Variants in PCNX1 observed in about 807,000 individuals in gnomAD.
PCNX1 encodes pecanex-like protein 1.
Under a neutral mutation model 242.2 loss-of-function variants are expected in PCNX1, and 78 were observed. The observed-to-expected ratio is 0.32, with a 90% CI of 0.27 to 0.39. PCNX1 has a LOEUF of 0.39. PCNX1 is among the 10% of genes least tolerant of loss of function. PCNX1 has a pLI of 1.00. For synonymous variants in PCNX1, 1,024 were observed against 1,032.9 expected, an observed-to-expected ratio of 0.99 and a Z score of 0.17; for missense variants, 2,581 against 2,856.5, an observed-to-expected ratio of 0.90 and a Z score of 2.20.
intron 30 of PCNX1, among the ~76,000 whole-genome samples, chr14:71,099,037 A>G (rs770376252): frequency 1.1e-4 from 16 of 152,188 alleles, no homozygotes; most frequent in South Asian, 4.1e-4. Flanking sequence ...TTCTTTACGC[A>G]AAAGTCATTC....
intron 26 of PCNX1, among the ~76,000 whole-genome samples, chr14:71,064,032 G>A (rs1287335961): frequency 6.6e-6 from 1 of 151,964 alleles, no homozygotes; most frequent in Non-Finnish European, 1.5e-5. Context: ...AGTATGTTCG[G>A]CTGACTGGAT....
intron 30 of PCNX1, among the ~76,000 whole-genome samples, chr14:71,095,165 T>G (rs192679571): frequency 3.9e-5 from 6 of 152,350 alleles, no homozygotes; most frequent in African/African-American, 1.4e-4. Context: ...CCTTATTTAT[T>G]TTCCTTTATT....
At chr14:71,045,375 CAG>C in intron 20 of PCNX1, 92 bp downstream of exon 20, 1 of 882,546 alleles carries the variant, frequency 1.1e-6, no homozygotes, top group South Asian at 1.7e-5. Flanking sequence ...AATATCATAA[CAG>C]AACATTTGGC....
At position 71,018,949 on chromosome 14, in the gene PCNX1, TCCA is replaced by T; in HGVS notation, c.2997-59_2997-57del. 2.1e-6 allele frequency: 3 copies of T among 1,396,416 alleles called. No individual in the cohort carries two copies. In the Admixed American group the frequency reaches 6.2e-5, roughly 29 times the overall value. The allele number at this position is 1,396,416 out of a possible 1,614,324, so 86.5% of individuals were successfully genotyped here. ...TATTTATGTCTTCCCTTCCCTTTTTTCCATTTGGTTAATTTCTTATACTTAAGA... is the reference window on the plus strand; with the variant it reads ...TATTTATGTCTTCCCTTCCCTTTTTTTTTGGTTAATTTCTTATACTTAAGA... On this transcript the variant is annotated intron_variant, in intron 11 of 35. Transcript: ENST00000304743.
rs1436961001 is a variant in PCNX1 at position 70,910,041 on chromosome 14, C to CCTT, written c.153+2040_153+2041insTCT. Reference sequence around the variant, plus strand: ...TAGACGACGACTCCTCCCTCCTCCTCCTCCTCCTCCTCCTCCTCCTCCCCC... The same window carrying CCTT: ...TAGACGACGACTCCTCCCTCCTCCTCCTTCTCCTCCTCCTCCTCCTCCTCCCCC... On this transcript the variant is annotated intron_variant, in intron 1 of 35. Transcript: ENST00000304743. Among the ~76,000 whole-genome samples, 5 of 71,396 alleles carry CCTT rather than the reference C, an allele frequency of 7.0e-5. 1 individual carries two copies. Among genetic ancestry groups the CCTT allele is most frequent in the Admixed American group, 1.3e-4 (1 of 7,884 alleles). The allele number at this position is 71,396 out of a possible 152,430, so 46.8% of individuals were successfully genotyped here.
chr14:71,079,793 T>G (rs962940658), intron 28 of PCNX1, among the ~76,000 whole-genome samples: 26 of 152,294 alleles, frequency 1.7e-4, no homozygotes, highest in African/African-American at 6.0e-4. Flanking sequence ...ATGGGTAGAT[T>G]GCAGAAATTT....
intron 34 of PCNX1, among the ~76,000 whole-genome samples, 157 bp from the exon 35 acceptor site, chr14:71,109,294 GA>G (rs1456031379): frequency 3.3e-5 from 5 of 152,104 alleles, no homozygotes; most frequent in Non-Finnish European, 7.4e-5. Context: ...CCAGAGGGCT[GA>G]AAAGAATTCA....
rs2062766444 is a variant in PCNX1 at position 71,112,257 on chromosome 14, A to G, written c.*2322A>G. 6.6e-6 allele frequency: 1 copy of G among 152,252 alleles called. No individual in the cohort carries two copies. The highest frequency in any genetic ancestry group is 2.1e-4 in the South Asian group (1 of 4,828). The allele number at this position is 152,252 out of a possible 1,614,324, so 9.4% of individuals were successfully genotyped here. On this transcript the variant is annotated 3_prime_UTR_variant, in exon 36 of 36. Transcript: ENST00000304743. ...CCTCCTCCAAAAAAATTTTAAACAC[A>G]TCACATACTCTGAAAAGTCAGATTT...
chr14:71,063,060 T>C (rs2061364738), intron 26 of PCNX1, among the ~76,000 whole-genome samples: 1 of 152,210 alleles, frequency 6.6e-6, no homozygotes, highest in Non-Finnish European at 1.5e-5. Context: ...GTACATTCTA[T>C]GATGTTTGCA....
chr14:71,029,078 A>G (rs918218384), intron 16 of PCNX1, among the ~76,000 whole-genome samples: 1 of 152,162 alleles, frequency 6.6e-6, no homozygotes, highest in Admixed American at 6.5e-5. Context: ...AGGCATAGTA[A>G]TTACAGAATA....
At position 70,995,792 on chromosome 14, in the gene PCNX1, G is replaced by T. The variant is rs1351524499; in HGVS notation, c.2496G>T (p.Gln832His). Reference protein sequence around the residue: ...GQQSTAQVKVQSRPPSQAAVL... With the variant: ...GQQSTAQVKVHSRPPSQAAVL... ...AGTCCACAGCCCAGGTCAAAGTCCA[G>T]TCCCGCCCCCCTTCCCAGGCTGCAG... is the stretch of plus-strand genomic sequence containing the variant. Residue 832 changes from glutamine to histidine, a missense_variant, in exon 8 of 36, where the codon CAG becomes CAT. Coordinates refer to ENST00000304743, the MANE Select transcript of PCNX1 (RefSeq NM_014982.3). 8 of 1,614,076 alleles carry T rather than the reference G, an allele frequency of 5.0e-6. No individual in the cohort carries two copies. Among genetic ancestry groups the T allele is most frequent in the Non-Finnish European group, 5.9e-6 (7 of 1,180,002 alleles).
At chr14:70,940,373 C>T (rs1353033109) in intron 1 of PCNX1, among the ~76,000 whole-genome samples, 2 of 152,158 alleles carry the variant, frequency 1.3e-5, no homozygotes, top group Admixed American at 6.5e-5. Flanking sequence ...TTTTATTTCT[C>T]CTTCACATAT....
At chr14:71,076,995 C>T (rs2061734215) in intron 28 of PCNX1, among the ~76,000 whole-genome samples, 1 of 152,092 alleles carries the variant, frequency 6.6e-6, no homozygotes, top group South Asian at 2.1e-4. Context: ...GCATCTAGAC[C>T]ATTGATTTTC....
chr14:71,031,095 T>C (rs931031789), intron 16 of PCNX1, among the ~76,000 whole-genome samples: 4 of 152,178 alleles, frequency 2.6e-5, no homozygotes, highest in African/African-American at 9.7e-5. Context: ...ACCAAAACTC[T>C]AAGCACACCC....
intron 7 of PCNX1, 42 bp from the exon 8 acceptor site, chr14:70,995,699 T>C (rs767995758): frequency 6.4e-7 from 1 of 1,567,748 alleles, no homozygotes; most frequent in South Asian, 1.1e-5. Flanking sequence ...TGTTTTCTCT[T>C]TTCTTCCCTG....
chr14:71,050,820 G>T, intron 23 of PCNX1, 60 bp downstream of exon 23: 1 of 1,464,300 alleles, frequency 6.8e-7, no homozygotes, highest in Admixed American at 1.8e-5. Flanking sequence ...AAGAATGTTG[G>T]TTTATAGGCA....
Position 71,051,924 on chromosome 14 carries a change from T to C in PCNX1, c.4489T>C (p.Phe1497Leu). Residue 1497 changes from phenylalanine to leucine, a missense_variant, in exon 24 of 36, where the codon TTC (phenylalanine) becomes CTC (leucine). Around this residue, in one of 9 missense-constraint regions of PCNX1, gnomAD observed 99 missense variants for 147.3 expected, o/e 0.67. Coordinates refer to ENST00000304743, the MANE Select transcript of PCNX1 (RefSeq NM_014982.3). The part of the protein sequence containing the change: ...LFIQAAVSAF[F>L]STPLNPFLGS... ...TATTCAGGCTGCTGTCTCGGCCTTCTTCTCTACTCCACTGAACCCCTTTCT... is the reference window on the plus strand; with the variant it reads ...TATTCAGGCTGCTGTCTCGGCCTTCCTCTCTACTCCACTGAACCCCTTTCT... 2 of 1,613,846 alleles carry C rather than the reference T, an allele frequency of 1.2e-6. No individual in the cohort carries two copies. Among genetic ancestry groups the C allele is most frequent in the Non-Finnish European group, 1.7e-6 (2 of 1,179,774 alleles).
intron 4 of PCNX1, among the ~76,000 whole-genome samples, chr14:70,968,647 CG>C (rs2058452032): frequency 6.6e-6 from 1 of 152,264 alleles, no homozygotes; most frequent in African/African-American, 2.4e-5. Flanking sequence ...CAGATAAATT[CG>C]TATTGTTTTC....
At chr14:70,995,139 A>T (rs1297831881) in intron 7 of PCNX1, among the ~76,000 whole-genome samples, 2 of 152,186 alleles carry the variant, frequency 1.3e-5, no homozygotes, top group Non-Finnish European at 2.9e-5. Flanking sequence ...TCTACCTCTG[A>T]CTATATTCCA....
Sources: allele counts gnomAD v4.1 joint callset (sites outside exome capture counted in the v4.1 genomes callset), GRCh38; gene constraint gnomAD v4.1.1; regional missense constraint gnomAD v4.1.1; transcripts MANE v1.5; gene names NCBI Gene and HGNC (gene_info 2026-07-23, HGNC 2026-07-21).